COL25A1: variants seen among roughly 807,000 people sequenced by gnomAD.
The protein encoded by COL25A1 is collagen type XXV alpha 1 chain, also known as collagen alpha-1(XXV) chain.
Under a neutral mutation model 128.4 loss-of-function variants are expected in COL25A1, and 103 were observed. The observed-to-expected ratio is 0.80, with a 90% CI of 0.68 to 0.94. COL25A1 has a LOEUF of 0.94. COL25A1 is among the 40% of genes least tolerant of loss of function. COL25A1 has a pLI of 0.00. For missense variants in COL25A1, 745 were observed against 840.0 expected, an observed-to-expected ratio of 0.89 and a Z score of 1.40; for synonymous variants, 279 against 277.2, an observed-to-expected ratio of 1.01 and a Z score of -0.06.
intron 13 of COL25A1, among the ~76,000 whole-genome samples, chr4:108,910,946 C>T (rs1304659582): frequency 6.6e-6 from 1 of 152,194 alleles, no homozygotes; most frequent in Non-Finnish European, 1.5e-5. Flanking sequence ...CCCACTGATG[C>T]TGTCTCACAG....
rs118091266 is a variant in COL25A1, at chr4:109,236,767, G to A, written c.367+63816C>T. ...TTTTGATGCAATCTTTCTCTCCAAT[G>A]ACTTACATTATTTAAATATCATTTA... On this transcript the variant is annotated intron_variant, in intron 3 of 37. Coordinates refer to ENST00000399132, the MANE Select transcript of COL25A1 (RefSeq NM_198721.4). 7.5e-3 allele frequency among the ~76,000 whole-genome samples: 1,144 copies of A among 151,972 alleles called. 57 individuals are homozygous for A. In the South Asian group the frequency reaches 0.14, roughly 18 times the overall value.
At chr4:109,170,272 T>TA (rs1475782417) in intron 3 of COL25A1, among the ~76,000 whole-genome samples, 4 of 152,150 alleles carry the variant, frequency 2.6e-5, no homozygotes, top group African/African-American at 9.7e-5. Context: ...ATTTATATGC[T>TA]AAAAAAGTAT....
At chr4:109,008,122 T>C (rs1192804086) in intron 6 of COL25A1, among the ~76,000 whole-genome samples, 7 of 152,234 alleles carry the variant, frequency 4.6e-5, no homozygotes, top group African/African-American at 1.7e-4. Flanking sequence ...TGCCCACCAC[T>C]ATCTGCTCCA....
intron 3 of COL25A1, among the ~76,000 whole-genome samples, chr4:109,186,521 CT>C (rs1214323325): frequency 1.3e-5 from 2 of 152,094 alleles, no homozygotes; most frequent in Middle Eastern, 3.4e-3. Context: ...CCCAACACAA[CT>C]TTTTTTTAAA....
chr4:109,066,603 T>C (rs1762473803), intron 3 of COL25A1, among the ~76,000 whole-genome samples: 1 of 152,202 alleles, frequency 6.6e-6, no homozygotes, highest in Non-Finnish European at 1.5e-5. Context: ...TGGTAGATTA[T>C]AAATAGATAC....
chr4:108,873,909 T>C (rs1290017313), intron 19 of COL25A1, among the ~76,000 whole-genome samples: 1 of 131,390 alleles, frequency 7.6e-6, no homozygotes, highest in Non-Finnish European at 1.6e-5. Context: ...TTTCCCTAAA[T>C]GAATGTAATC....
chr4:108,945,089 T>C (rs564824665), intron 8 of COL25A1, among the ~76,000 whole-genome samples: 8 of 152,354 alleles, frequency 5.3e-5, no homozygotes, highest in African/African-American at 1.9e-4. Flanking sequence ...GCCAGCATCC[T>C]ACAGAGTGTT....
At chr4:109,131,636 T>C (rs1333548540) in intron 3 of COL25A1, among the ~76,000 whole-genome samples, 15 of 152,072 alleles carry the variant, frequency 9.9e-5, no homozygotes, top group Admixed American at 2.6e-4. Flanking sequence ...AGCAGTAAAA[T>C]CTTCCCTCTC....
At chr4:109,019,807 A>T (rs1375974312) in intron 5 of COL25A1, among the ~76,000 whole-genome samples, 4 of 152,178 alleles carry the variant, frequency 2.6e-5, no homozygotes, top group Non-Finnish European at 5.9e-5. Flanking sequence ...AATAAAGATA[A>T]AACTGAGGCA....
At chr4:109,097,578 A>T (rs36165156) in intron 3 of COL25A1, among the ~76,000 whole-genome samples, 1 of 151,136 alleles carries the variant, frequency 6.6e-6, no homozygotes. Context: ...GCACCATAGC[A>T]CTCCAGCCTG....
chr4:109,096,761 C>T (rs1427130119), intron 3 of COL25A1, among the ~76,000 whole-genome samples: 1 of 152,180 alleles, frequency 6.6e-6, no homozygotes. Context: ...AACCAAAAAA[C>T]AGGCCTGTCA....
chr4:109,045,734 T>A (rs1760368184), intron 5 of COL25A1, among the ~76,000 whole-genome samples: 1 of 152,190 alleles, frequency 6.6e-6, no homozygotes, highest in Non-Finnish European at 1.5e-5. Flanking sequence ...GTACAATCAA[T>A]GTTTTTTCAT....
At chr4:108,918,531 T>C (rs1405149) in intron 12 of COL25A1, among the ~76,000 whole-genome samples, 106,313 of 152,072 alleles carry the variant, frequency 0.7, 38,562 homozygotes, top group East Asian at 0.94. Context: ...TAAGAATAAA[T>C]AGGCTTAGTT....
At chr4:108,897,630 A>C (rs1742298268) in intron 15 of COL25A1, among the ~76,000 whole-genome samples, 1 of 152,228 alleles carries the variant, frequency 6.6e-6, no homozygotes, top group Non-Finnish European at 1.5e-5. Context: ...CAACTAGGGC[A>C]GTATCTGGCA....
At chr4:109,150,661 T>C (rs990063176) in intron 3 of COL25A1, among the ~76,000 whole-genome samples, 17 of 152,264 alleles carry the variant, frequency 1.1e-4, no homozygotes, top group African/African-American at 3.8e-4. Context: ...CTATGAGAAT[T>C]AAACTTGACA....
intron 3 of COL25A1, among the ~76,000 whole-genome samples, chr4:109,149,769 T>C (rs1275217145): frequency 2.0e-5 from 3 of 152,102 alleles, no homozygotes; most frequent in African/African-American, 7.2e-5. Context: ...AAAATATGTA[T>C]ATATATATTA....
chr4:109,157,087 A>G (rs1412753198), intron 3 of COL25A1, among the ~76,000 whole-genome samples: 1 of 152,226 alleles, frequency 6.6e-6, no homozygotes, highest in African/African-American at 2.4e-5. Flanking sequence ...ACTGACAGTC[A>G]GTTGCCTTCC....
At chr4:108,985,497 C>T (rs1185737091) in intron 6 of COL25A1, among the ~76,000 whole-genome samples, 2 of 152,074 alleles carry the variant, frequency 1.3e-5, no homozygotes, top group Non-Finnish European at 2.9e-5. Flanking sequence ...GCAGAATAGA[C>T]GTCATATTTT....
chr4:108,992,833 GTT>G (rs5860957), intron 6 of COL25A1, among the ~76,000 whole-genome samples: 23 of 150,494 alleles, frequency 1.5e-4, no homozygotes, highest in African/African-American at 2.9e-4. Flanking sequence ...TGTTTGTTTT[GTT>G]TTTTTTTTGT....
Sources: gnomAD v4.1 joint callset for allele counts (sites outside exome capture counted in the v4.1 genomes callset) on GRCh38, gnomAD v4.1.1 for gene constraint, MANE v1.5 for transcripts, NCBI Gene and HGNC (gene_info 2026-07-23, HGNC 2026-07-21) for gene names.